The following UBAC2 variants were observed in gnomAD, a reference collection of about 807,000 sequenced individuals.
UBAC2 encodes ubiquitin-associated domain-containing protein 2.
In UBAC2, 26 loss-of-function variants were observed where a neutral mutation model predicts 44.0. The ratio of observed to expected loss-of-function variants is 0.59; its 90% CI spans 0.43 to 0.82. The LOEUF (loss-of-function observed/expected upper bound fraction) is 0.82, where lower values mean the gene tolerates loss of function less well. Among genes scored for constraint, UBAC2 ranks in the 40% least tolerant of loss-of-function variants. UBAC2 has a pLI of 0.00. For synonymous variants in UBAC2, 155 were observed against 154.3 expected, an observed-to-expected ratio of 1.00 and a Z score of -0.04; for missense variants, 329 against 419.4, an observed-to-expected ratio of 0.78 and a Z score of 1.88.
chr13:99,371,334 T>C (rs9513605), intron 8 of UBAC2, among the ~76,000 whole-genome samples: 38,283 of 152,174 alleles, frequency 0.25, 6,011 homozygotes, highest in Non-Finnish European at 0.35. Flanking sequence ...ACATTGATTT[T>C]CTAAATCTTG....
intron 1 of UBAC2, among the ~76,000 whole-genome samples, chr13:99,213,817 ATATTT>A (rs910735578): frequency 3.3e-5 from 5 of 152,108 alleles, no homozygotes; most frequent in South Asian, 2.1e-4. Flanking sequence ...AAAGATAAGA[ATATTT>A]TATTTTATTT....
chr13:99,298,607 G>A (rs561691162), intron 4 of UBAC2, among the ~76,000 whole-genome samples: 1 of 152,240 alleles, frequency 6.6e-6, no homozygotes, highest in African/African-American at 2.4e-5. Flanking sequence ...TCCAAAGCAA[G>A]TGGAAGAAAA....
chr13:99,380,925 T>C (rs960053236), intron 8 of UBAC2, among the ~76,000 whole-genome samples: 1 of 152,258 alleles, frequency 6.6e-6, no homozygotes, highest in Non-Finnish European at 1.5e-5. Context: ...TAAAGGGGCA[T>C]GATCTGCCCC....
intron 4 of UBAC2, among the ~76,000 whole-genome samples, chr13:99,299,534 A>G (rs1375586391): frequency 6.6e-6 from 1 of 152,160 alleles, no homozygotes; most frequent in African/African-American, 2.4e-5. Flanking sequence ...GGCTTTACTC[A>G]TATATTCTAG....
intron 6 of UBAC2, among the ~76,000 whole-genome samples, chr13:99,322,053 G>A (rs2044575049): frequency 6.6e-6 from 1 of 152,180 alleles, no homozygotes. Flanking sequence ...TTTAAAATAG[G>A]ACTTTTCATG....
At chr13:99,275,249 A>C (rs753398640) in intron 4 of UBAC2, among the ~76,000 whole-genome samples, 1 of 152,144 alleles carries the variant, frequency 6.6e-6, no homozygotes, top group African/African-American at 2.4e-5. Context: ...TTCAGGCTTT[A>C]CTGGGATTGG....
At chr13:99,378,397 C>T (rs1300137564) in intron 8 of UBAC2, among the ~76,000 whole-genome samples, 2 of 152,122 alleles carry the variant, frequency 1.3e-5, no homozygotes, top group African/African-American at 4.8e-5. Flanking sequence ...CATGGTGGCA[C>T]ATGCCTGTAG....
intron 1 of UBAC2, among the ~76,000 whole-genome samples, chr13:99,217,769 C>T (rs1444108905): frequency 6.6e-6 from 1 of 152,164 alleles, no homozygotes; most frequent in East Asian, 1.9e-4. Flanking sequence ...TGGCTTATTT[C>T]AGACCTAAAT....
At chr13:99,367,968 C>T in intron 8 of UBAC2, 62 bp downstream of exon 8, 7 of 1,572,692 alleles carry the variant, frequency 4.5e-6, no homozygotes, top group Admixed American at 1.9e-5. Context: ...GAAGCAGTTT[C>T]GATCAACAGG....
intron 4 of UBAC2, among the ~76,000 whole-genome samples, chr13:99,273,873 T>G (rs1313506582): frequency 6.6e-6 from 1 of 151,902 alleles, no homozygotes; most frequent in African/African-American, 2.4e-5. Flanking sequence ...CTTTTTTTTT[T>G]TTTTTCCTGC....
chr13:99,383,168 C>T (rs2045573231), intron 8 of UBAC2, among the ~76,000 whole-genome samples: 1 of 152,172 alleles, frequency 6.6e-6, no homozygotes, highest in Non-Finnish European at 1.5e-5. Context: ...GTGTGTGTGC[C>T]TGTGCACGCT....
intron 7 of UBAC2, among the ~76,000 whole-genome samples, chr13:99,345,192 A>G (rs2044955028): frequency 6.6e-6 from 1 of 152,194 alleles, no homozygotes; most frequent in South Asian, 2.1e-4. Flanking sequence ...ATGTGGGCAG[A>G]TATGTAGTGA....
At chr13:99,218,718 G>A (rs1360466633) in intron 1 of UBAC2, among the ~76,000 whole-genome samples, 1 of 152,084 alleles carries the variant, frequency 6.6e-6, no homozygotes, top group Non-Finnish European at 1.5e-5. Context: ...ATTGATGGAT[G>A]GCTTCCAGTG....
intron 7 of UBAC2, among the ~76,000 whole-genome samples, chr13:99,364,585 G>T (rs1215126391): frequency 6.6e-6 from 1 of 152,020 alleles, no homozygotes; most frequent in African/African-American, 2.4e-5. Context: ...TATAAGATAA[G>T]GAGTCATTAA....
chr13:99,362,513 C>G (rs938707739), intron 7 of UBAC2, among the ~76,000 whole-genome samples: 2 of 152,208 alleles, frequency 1.3e-5, no homozygotes, highest in Non-Finnish European at 2.9e-5. Context: ...TCACATCATT[C>G]CCACACTCAG....
In UBAC2 at chr13:99,207,932, G is replaced by A. The variant is rs549622177; in HGVS notation, c.31+6993G>A. Among the ~76,000 whole-genome samples, 16 of 151,096 alleles carry A rather than the reference G, an allele frequency of 1.1e-4. 1 individual carries two copies. In the South Asian group the frequency reaches 3.3e-3, roughly 32 times the overall value. On this transcript the variant is annotated intron_variant, in intron 1 of 8. Coordinates refer to ENST00000403766, the MANE Select transcript of UBAC2 (RefSeq NM_001144072.2). ...TGTTCCTACTGACATTCTTTCTTAA[G>A]TATGCATTCAGTGTGTGGGAGATGA...
chr13:99,381,958 A>G (rs2045557004), intron 8 of UBAC2, among the ~76,000 whole-genome samples: 2 of 152,250 alleles, frequency 1.3e-5, no homozygotes, highest in South Asian at 4.1e-4. Context: ...TCCTGTTGGC[A>G]AGAGATCACC....
intron 8 of UBAC2, among the ~76,000 whole-genome samples, chr13:99,373,409 A>G (rs1686480417): frequency 6.6e-6 from 1 of 152,224 alleles, no homozygotes; most frequent in South Asian, 2.1e-4. Flanking sequence ...AAGGAAGATG[A>G]GCAAATTTCA....
intron 1 of UBAC2, among the ~76,000 whole-genome samples, chr13:99,236,704 G>A (rs571295606): frequency 5.9e-5 from 9 of 152,164 alleles, no homozygotes; most frequent in Non-Finnish European, 8.8e-5. Context: ...ACAGAAATTA[G>A]CTGGGCATGG....
Sources: allele counts gnomAD v4.1 joint callset (sites outside exome capture counted in the v4.1 genomes callset), GRCh38; gene constraint gnomAD v4.1.1; transcripts MANE v1.5; gene names NCBI Gene and HGNC (gene_info 2026-07-23, HGNC 2026-07-21).